EYS: variants seen among roughly 807,000 people sequenced by gnomAD.
The protein encoded by EYS is EGF-like photoreceptor maintenance factor.
A neutral mutation model predicts 282.1 loss-of-function variants in EYS; 250 were observed. That is an observed-to-expected ratio of 0.89 (90% CI 0.80 to 0.98). The LOEUF (loss-of-function observed/expected upper bound fraction) is 0.98, where lower values mean the gene tolerates loss of function less well. Ranked by LOEUF, EYS falls within the 50% of genes least tolerant of loss-of-function variation. The pLI is 0.00. For synonymous variants in EYS, 1,355 were observed against 1,282.9 expected, an observed-to-expected ratio of 1.06 and a Z score of -1.20; for missense variants, 4,016 against 3,709.0, an observed-to-expected ratio of 1.08 and a Z score of -2.15.
chr6:65,024,252 T>G (rs1260694648), intron 13 of EYS, among the ~76,000 whole-genome samples: 1 of 152,212 alleles, frequency 6.6e-6, no homozygotes, highest in Non-Finnish European at 1.5e-5. Context: ...TTAAGTAGCA[T>G]TCATAGCAAT....
intron 1 of EYS, among the ~76,000 whole-genome samples, chr6:65,665,321 T>C (rs1302099002): frequency 2.0e-5 from 3 of 152,140 alleles, no homozygotes; most frequent in African/African-American, 4.8e-5. Flanking sequence ...ACTTTCTTTC[T>C]TCATTTATCT....
intron 22 of EYS, among the ~76,000 whole-genome samples, chr6:64,688,565 T>G (rs1275524139): frequency 1.3e-5 from 2 of 152,190 alleles, no homozygotes; most frequent in South Asian, 4.1e-4. Flanking sequence ...GAGTTCTAGT[T>G]TGATTGCACT....
intron 21 of EYS, among the ~76,000 whole-genome samples, chr6:64,820,800 C>G (rs903519241): frequency 6.6e-6 from 1 of 152,086 alleles, no homozygotes; most frequent in African/African-American, 2.4e-5. Flanking sequence ...TACTCCATCA[C>G]CCCTCTCTGG....
At chr6:65,609,587 T>G (rs354391) in intron 2 of EYS, among the ~76,000 whole-genome samples, 117,103 of 151,796 alleles carry the variant, frequency 0.77, 45,271 homozygotes, top group Middle Eastern at 0.82. Context: ...ATCTCACATT[T>G]GAAAGGTTTG....
At chr6:65,361,184 G>C (rs576214906) in intron 8 of EYS, among the ~76,000 whole-genome samples, 3 of 152,082 alleles carry the variant, frequency 2.0e-5, no homozygotes, top group Admixed American at 2.0e-4. Flanking sequence ...ACACAGGAAG[G>C]GGAACATCAC....
intron 22 of EYS, among the ~76,000 whole-genome samples, chr6:64,771,658 C>G (rs1016825624): frequency 3.3e-5 from 5 of 151,640 alleles, no homozygotes; most frequent in African/African-American, 4.8e-5. Context: ...ATTCTGTAAG[C>G]TGCTTTCATT....
chr6:64,506,453 TTGGA>T (rs1777208237), intron 26 of EYS, among the ~76,000 whole-genome samples: 1 of 152,176 alleles, frequency 6.6e-6, no homozygotes, highest in Non-Finnish European at 1.5e-5. Context: ...CACTTACGCT[TTGGA>T]TGGGACAAAT....
At chr6:64,464,446 A>G (rs529086538) in intron 26 of EYS, among the ~76,000 whole-genome samples, 1 of 152,268 alleles carries the variant, frequency 6.6e-6, no homozygotes, top group South Asian at 2.1e-4. Flanking sequence ...AGCCAAAGTA[A>G]TTAGCAAAGA....
chr6:65,247,594 A>G (rs1250294852), intron 12 of EYS, among the ~76,000 whole-genome samples: 1 of 152,116 alleles, frequency 6.6e-6, no homozygotes, highest in South Asian at 2.1e-4. Flanking sequence ...GAGAGAATAA[A>G]GTAAATAGGG....
chr6:63,810,441 C>G (rs993511454), intron 36 of EYS, among the ~76,000 whole-genome samples: 6 of 151,892 alleles, frequency 4.0e-5, no homozygotes, highest in African/African-American at 1.5e-4. Flanking sequence ...TTCAGAACAC[C>G]TTTCTTCAAC....
At chr6:65,031,366 C>G (rs565838303) in intron 13 of EYS, among the ~76,000 whole-genome samples, 2 of 152,026 alleles carry the variant, frequency 1.3e-5, no homozygotes, top group South Asian at 4.1e-4. Context: ...GAACTCTACA[C>G]TTGGACAAAT....
intron 22 of EYS, among the ~76,000 whole-genome samples, chr6:64,789,370 A>C (rs772903300): frequency 6.6e-6 from 1 of 152,148 alleles, no homozygotes; most frequent in Non-Finnish European, 1.5e-5. Flanking sequence ...AACCAGAGGA[A>C]CATGAACATG....
intron 15 of EYS, among the ~76,000 whole-genome samples, chr6:64,926,351 A>G (rs1455863762): frequency 1.3e-5 from 2 of 152,196 alleles, no homozygotes. Context: ...AGGTTTCCAC[A>G]TAGCTCCCTA....
At chr6:64,018,131 T>C (rs897986374) in intron 33 of EYS, among the ~76,000 whole-genome samples, 2 of 152,122 alleles carry the variant, frequency 1.3e-5, no homozygotes, top group African/African-American at 4.8e-5. Flanking sequence ...CACATACACA[T>C]ATATATACGT....
intron 11 of EYS, among the ~76,000 whole-genome samples, chr6:65,320,260 A>C (rs1582138343): frequency 6.6e-6 from 1 of 151,906 alleles, no homozygotes; most frequent in Admixed American, 6.6e-5. Flanking sequence ...TTCCAAAAGG[A>C]ATAGAAAGTG....
At chr6:64,192,821 A>C (rs925184239) in intron 31 of EYS, among the ~76,000 whole-genome samples, 11 of 152,308 alleles carry the variant, frequency 7.2e-5, no homozygotes, top group African/African-American at 2.6e-4. Flanking sequence ...GGAGAGGTAC[A>C]AGTTTGCTTT....
chr6:65,481,925 A>C (rs912435972), intron 5 of EYS, among the ~76,000 whole-genome samples: 1 of 152,128 alleles, frequency 6.6e-6, no homozygotes, highest in Non-Finnish European at 1.5e-5. Context: ...ATGTTTTGCC[A>C]ATAAATCTAT....
At chr6:65,255,389 ATAACT>A (rs957586081) in intron 12 of EYS, among the ~76,000 whole-genome samples, 63 of 152,100 alleles carry the variant, frequency 4.1e-4, no homozygotes, top group African/African-American at 1.4e-3. Flanking sequence ...AAATAAATTA[ATAACT>A]TAAGTCATAA....
chr6:64,392,535 C>T (rs1773192429), intron 28 of EYS, among the ~76,000 whole-genome samples: 2 of 151,870 alleles, frequency 1.3e-5, no homozygotes, highest in South Asian at 4.2e-4. Context: ...CTACTGGGTA[C>T]ATAAAGAAAT....
Sources: gnomAD v4.1 joint callset for allele counts (sites outside exome capture counted in the v4.1 genomes callset) on GRCh38, gnomAD v4.1.1 for gene constraint, MANE v1.5 for transcripts, NCBI Gene and HGNC (gene_info 2026-07-23, HGNC 2026-07-21) for gene names.